The following PDE4D variants were observed in gnomAD, a reference collection of about 807,000 sequenced individuals.
PDE4D encodes 3',5'-cyclic-AMP phosphodiesterase 4D.
PDE4D carries 24 observed loss-of-function variants against 87.4 expected under a neutral mutation model. The observed-to-expected ratio is 0.27, with a 90% CI of 0.20 to 0.39. PDE4D has a LOEUF of 0.39. Ranked by LOEUF, PDE4D falls within the 10% of genes least tolerant of loss-of-function variation. The probability of loss-of-function intolerance (pLI) is 1.00; values close to 1 mark genes in which losing one functional copy is unlikely to be tolerated. For missense variants in PDE4D, 714 were observed against 1,041.0 expected (o/e 0.69, Z 4.32); for synonymous variants, 384 against 383.2 (o/e 1.00, Z -0.02).
At chr5:60,239,990 G>A (rs1246685488) in intron 1 of PDE4D, among the ~76,000 whole-genome samples, 1 of 151,974 alleles carries the variant, frequency 6.6e-6, no homozygotes, top group East Asian at 1.9e-4. Context: ...TTCTTCTCTT[G>A]TTCCAGATGT....
rs538489126 is a variant in PDE4D, at chr5:59,397,338, T to C, written c.456-181370A>G. ...TGACCATTTACTTGGAAGTAAAGCT[T>C]TCCTCAGCAAATGTAAAAGAACAGA... On this transcript the variant is annotated intron_variant, in intron 1 of 14. Coordinates refer to ENST00000340635, the MANE Select transcript of PDE4D (RefSeq NM_001104631.2). 1.9e-3 allele frequency among the ~76,000 whole-genome samples: 239 copies of C among 124,356 alleles called. 29 individuals carry two copies. Among genetic ancestry groups the C allele is most frequent in the African/African-American group, 7.4e-3 (233 of 31,392 alleles). 81.6% of individuals were successfully genotyped at this position (124,356 alleles called of 152,430 possible). A position where few individuals can be genotyped will look rare whatever the true frequency, so the allele number is the denominator to read the frequency against.
intron 5 of PDE4D, among the ~76,000 whole-genome samples, chr5:59,096,843 T>C (rs2153431461): frequency 6.6e-6 from 1 of 152,310 alleles, no homozygotes; most frequent in Non-Finnish European, 1.5e-5. Flanking sequence ...GGAACCACAT[T>C]AAATGGCGGA....
chr5:59,905,180 T>C (rs151111426), intron 3 of PDE4D, among the ~76,000 whole-genome samples: 98 of 152,264 alleles, frequency 6.4e-4, no homozygotes, highest in African/African-American at 2.2e-3. Context: ...CTGAGTAGTT[T>C]TCCCCCTGGC....
chr5:59,039,477 G>C (rs1759227505), intron 5 of PDE4D: 1 of 985,922 alleles, frequency 1.0e-6, no homozygotes, highest in Non-Finnish European at 1.2e-6. Flanking sequence ...CACTTGAAGT[G>C]AATGAATCAG....
rs913931484 is a variant in PDE4D at position 60,514,387 on chromosome 5, TAAAAG to T, written n.70+7659_70+7663del. Among the ~76,000 whole-genome samples, 7 of 152,034 alleles carry T rather than the reference TAAAAG, an allele frequency of 4.6e-5. No individual in the cohort carries two copies. In the East Asian group the frequency reaches 5.8e-4, roughly 13 times the overall value. ...TTACACCAAAACCCAACAAAGTTAT[TAAAAG>T]AAAAGAAAAGTCAAGCCAGAACTCT... On this transcript the variant is annotated intron_variant and non_coding_transcript_variant, in intron 1 of 2. Coordinates refer to the PDE4D transcript ENST00000506510.
rs567635956 is a variant in PDE4D, at chr5:58,971,040, G to T, written c.*3624C>A. The T allele has an allele frequency of 2.0e-5, 3 of 152,068 alleles. No individual in the cohort carries two copies. Among genetic ancestry groups the T allele is most frequent in the Non-Finnish European group, 4.4e-5 (3 of 68,000 alleles). 9.4% of individuals were successfully genotyped at this position (152,068 alleles called of 1,614,324 possible). A position where few individuals can be genotyped will look rare whatever the true frequency, so the allele number is the denominator to read the frequency against. On this transcript the variant is annotated 3_prime_UTR_variant, in exon 15 of 15. Coordinates refer to ENST00000340635, the MANE Select transcript of PDE4D (RefSeq NM_001104631.2). ...TACTTAAGAGCTTCTGTCTCAAAAG[G>T]GTCTCAGAATCTTTCAGAGGTTGTC...
chr5:59,955,020 A>G (rs1758683279), intron 3 of PDE4D, among the ~76,000 whole-genome samples: 1 of 152,226 alleles, frequency 6.6e-6, no homozygotes, highest in Admixed American at 6.5e-5. Flanking sequence ...GCAAATATTC[A>G]GGAATAAGAA....
At chr5:59,881,247 G>A (rs990973585) in intron 1 of PDE4D, among the ~76,000 whole-genome samples, 1 of 152,062 alleles carries the variant, frequency 6.6e-6, no homozygotes, top group African/African-American at 2.4e-5. Context: ...AATGAATTGA[G>A]CCAGAGTATT....
At chr5:60,378,526 A>G (rs904079102) in intron 1 of PDE4D, among the ~76,000 whole-genome samples, 1 of 152,070 alleles carries the variant, frequency 6.6e-6, no homozygotes, top group Non-Finnish European at 1.5e-5. Context: ...AGCCCCCTTG[A>G]CACAAAATAG....
At chr5:60,100,350 T>C (rs1776096045) in intron 2 of PDE4D, among the ~76,000 whole-genome samples, 1 of 151,992 alleles carries the variant, frequency 6.6e-6, no homozygotes, top group Admixed American at 6.6e-5. Flanking sequence ...ACATCTCCGC[T>C]TTACCTTTTT....
chr5:59,331,102 T>C (rs1488573309), intron 1 of PDE4D, among the ~76,000 whole-genome samples: 1 of 152,210 alleles, frequency 6.6e-6, no homozygotes, highest in East Asian at 1.9e-4. Flanking sequence ...TACAATGTTT[T>C]CAGAAATGAC....
chr5:59,609,807 T>G (rs295964), intron 1 of PDE4D, among the ~76,000 whole-genome samples: 1 of 152,088 alleles, frequency 6.6e-6, no homozygotes, highest in Non-Finnish European at 1.5e-5. Flanking sequence ...AGCCACAAAC[T>G]CTGAGCTTCC....
At chr5:60,243,696 A>T (rs1747390760) in intron 1 of PDE4D, among the ~76,000 whole-genome samples, 1 of 152,082 alleles carries the variant, frequency 6.6e-6, no homozygotes, top group Non-Finnish European at 1.5e-5. Flanking sequence ...ATATCAACAG[A>T]ATGAAGAACA....
intron 1 of PDE4D, among the ~76,000 whole-genome samples, chr5:59,873,245 C>G (rs1004352898): frequency 1.3e-5 from 2 of 152,118 alleles, no homozygotes; most frequent in African/African-American, 4.8e-5. Flanking sequence ...TTTTCTGTAC[C>G]CAGATGACAC....
intron 3 of PDE4D, among the ~76,000 whole-genome samples, chr5:59,962,086 T>C (rs1451626865): frequency 6.6e-6 from 1 of 152,070 alleles, no homozygotes; most frequent in Non-Finnish European, 1.5e-5. Context: ...TATAAATGAA[T>C]AAGAAAATTT....
chr5:60,306,944 A>G (rs891005124), intron 1 of PDE4D, among the ~76,000 whole-genome samples: 1 of 152,116 alleles, frequency 6.6e-6, no homozygotes, highest in African/African-American at 2.4e-5. Flanking sequence ...TAGATAAACA[A>G]TGGAAGCCTA....
At chr5:59,563,366 C>G (rs954933594) in intron 1 of PDE4D, among the ~76,000 whole-genome samples, 1 of 152,254 alleles carries the variant, frequency 6.6e-6, no homozygotes, top group Admixed American at 6.5e-5. Context: ...AAAGCCCACA[C>G]TAGTTAACAT....
chr5:60,419,569 A>G (rs1170578793), intron 1 of PDE4D, among the ~76,000 whole-genome samples: 1 of 151,786 alleles, frequency 6.6e-6, no homozygotes, highest in Non-Finnish European at 1.5e-5. Flanking sequence ...ATAGCCTTTG[A>G]ATTTTATTCA....
chr5:60,461,053 A>G lies in PDE4D; in HGVS notation c.-90+26889T>C, dbSNP rs542037314. On this transcript the variant is annotated intron_variant, in intron 1 of 16. Transcript: ENST00000502484. ...GCGTAATTGTTTGATAATTTATTAT[A>G]TAATAGTTAGTTCTTTAACAAATGG... is the stretch of plus-strand genomic sequence containing the variant. 3.3e-5 allele frequency among the ~76,000 whole-genome samples: 5 copies of G among 152,306 alleles called. No individual in the cohort carries two copies. The South Asian group carries it at 1.0e-3, about 32-fold the overall frequency.
Sources: gnomAD v4.1 joint callset for allele counts (sites outside exome capture counted in the v4.1 genomes callset) on GRCh38, gnomAD v4.1.1 for gene constraint, MANE v1.5 for transcripts, NCBI Gene and HGNC (gene_info 2026-07-23, HGNC 2026-07-21) for gene names.